CLDN16: variants seen among roughly 807,000 people sequenced by gnomAD.
CLDN16 encodes claudin 16.
CLDN16 carries 13 observed loss-of-function variants against 24.6 expected under a neutral mutation model. The observed-to-expected ratio is 0.53, with a 90% confidence interval of 0.34 to 0.84. The LOEUF (loss-of-function observed/expected upper bound fraction) is 0.84. CLDN16 is among the 40% of genes least tolerant of loss of function. The probability of loss-of-function intolerance (pLI) is 0.01; values close to 1 mark genes in which losing one functional copy is unlikely to be tolerated. For missense variants in CLDN16, 298 were observed against 292.7 expected, an observed-to-expected ratio of 1.02 and a Z score of -0.13; for synonymous variants, 116 against 106.7, an observed-to-expected ratio of 1.09 and a Z score of -0.54.
chr3:190,312,727 G>T, the CLDN16 span: 2 of 861,314 alleles, frequency 2.3e-6, no homozygotes, highest in Non-Finnish European at 1.9e-6. Flanking sequence ...TTGTGTTTGA[G>T]AACATGAAAG....
At chr3:190,314,711 C>T in the CLDN16 span, among the ~76,000 whole-genome samples, 1 of 152,076 alleles carries the variant, frequency 6.6e-6, no homozygotes, top group Non-Finnish European at 1.5e-5. Context: ...GCCATAATCT[C>T]TTTCTAAAAA....
Position 190,409,894 on chromosome 3 carries a change from T to C in CLDN16, c.575-9T>C, listed in dbSNP as rs368038800. ...GAGTTCTACTTATTTTTATATTTCT[T>C]TCAAACAGATGTTGGACCTGAGAGA... is the stretch of plus-strand genomic sequence containing the variant. On this transcript the variant is annotated splice_polypyrimidine_tract_variant and intron_variant, in intron 4 of 4. Transcript: ENST00000264734. 3.7e-6 allele frequency: 6 copies of C among 1,613,402 alleles called. No homozygotes were observed. The highest frequency in any genetic ancestry group is 5.1e-6 in the Non-Finnish European group (6 of 1,179,478).
intron 1 of CLDN16, among the ~76,000 whole-genome samples, chr3:190,392,970 T>C (rs1420315611): frequency 6.6e-6 from 1 of 152,084 alleles, no homozygotes; most frequent in African/African-American, 2.4e-5. Context: ...AAATGAGGTA[T>C]GGGGAGAACA....
At chr3:190,346,215 T>C (rs1297507694) in intron 1 of CLDN16, among the ~76,000 whole-genome samples, 1 of 151,152 alleles carries the variant, frequency 6.6e-6, no homozygotes, top group African/African-American at 2.4e-5. Flanking sequence ...TTAGAATGCC[T>C]GGAGGTGAGA....
At chr3:190,308,233 A>G in the CLDN16 span, 9 of 1,608,428 alleles carry the variant, frequency 5.6e-6, no homozygotes, top group South Asian at 1.1e-5. Context: ...CTCAATGTCC[A>G]TTTTCGGTTT....
chr3:190,294,036 T>C, the CLDN16 span, among the ~76,000 whole-genome samples: 4 of 152,194 alleles, frequency 2.6e-5, no homozygotes, highest in Non-Finnish European at 5.9e-5. Context: ...TGAGTTTTGG[T>C]TGAAAAGTCT....
Position 190,376,152 on chromosome 3 carries a change from A to G in CLDN16, n.306+1549A>G, listed in dbSNP as rs117254164. Among the ~76,000 whole-genome samples, 9 of 152,028 alleles carry G rather than the reference A, an allele frequency of 5.9e-5. No individual in the cohort carries two copies. The East Asian group carries it at 1.2e-3, about 20-fold the overall frequency. On this transcript the variant is annotated intron_variant and non_coding_transcript_variant, in intron 3 of 4. Coordinates refer to the CLDN16 transcript ENST00000468220. ...TGACTTCAGAATATGTTGTGCTGAA[A>G]CTATCAATTACAGATTTATTATTAA...
the CLDN16 span, among the ~76,000 whole-genome samples, chr3:190,309,041 A>G: frequency 3.9e-5 from 6 of 152,282 alleles, no homozygotes. Context: ...ACGGAAGAGT[A>G]GAGAAGGGTT....
At chr3:190,329,674 C>G (rs536160787) in intron 1 of CLDN16, among the ~76,000 whole-genome samples, 1 of 152,174 alleles carries the variant, frequency 6.6e-6, no homozygotes, top group Non-Finnish European at 1.5e-5. Context: ...TTAATATGCT[C>G]ATGCAAATCA....
At chr3:190,389,762 C>T (rs1051605990) in intron 1 of CLDN16, among the ~76,000 whole-genome samples, 6 of 152,072 alleles carry the variant, frequency 3.9e-5, no homozygotes, top group Admixed American at 6.5e-5. Context: ...GCAGATAAAA[C>T]GTTCTGCTGT....
chr3:190,343,119 A>G (rs1717474724), intron 1 of CLDN16, among the ~76,000 whole-genome samples: 1 of 151,632 alleles, frequency 6.6e-6, no homozygotes, highest in Non-Finnish European at 1.5e-5. Context: ...ATAGTGAGAA[A>G]ACTTATAACC....
the CLDN16 span, chr3:190,307,981 T>G: frequency 3.1e-6 from 1 of 323,020 alleles, no homozygotes; most frequent in Non-Finnish European, 6.0e-6. Flanking sequence ...TATATATACA[T>G]ATCTATATAT....
At chr3:190,324,844 T>C (rs753593389) in intron 1 of CLDN16, among the ~76,000 whole-genome samples, 2 of 152,150 alleles carry the variant, frequency 1.3e-5, no homozygotes, top group Non-Finnish European at 2.9e-5. Flanking sequence ...ATCTATCAAC[T>C]TAAGAGGAAA....
intron 1 of CLDN16, among the ~76,000 whole-genome samples, chr3:190,370,432 C>G (rs1261153817): frequency 1.3e-5 from 2 of 151,908 alleles, no homozygotes; most frequent in African/African-American, 4.8e-5. Context: ...GAGTGTCATA[C>G]ATCTTGGTTA....
intron 1 of CLDN16, among the ~76,000 whole-genome samples, chr3:190,335,856 C>T (rs7619453): frequency 8.5e-5 from 13 of 152,172 alleles, no homozygotes; most frequent in Admixed American, 3.3e-4. Flanking sequence ...TAGAAATTGT[C>T]CCATAAAGCA....
At chr3:190,317,364 T>G in the CLDN16 span, among the ~76,000 whole-genome samples, 2 of 152,178 alleles carry the variant, frequency 1.3e-5, no homozygotes, top group African/African-American at 4.8e-5. Context: ...ATCTTGAGAT[T>G]AAAGACCCCC....
At chr3:190,315,059 G>T in the CLDN16 span, among the ~76,000 whole-genome samples, 1 of 152,178 alleles carries the variant, frequency 6.6e-6, no homozygotes, top group Admixed American at 6.5e-5. Flanking sequence ...CCATGGTTAA[G>T]GTATGTCCTC....
rs748213791 is a variant in CLDN16, at chr3:190,388,284, G to A, written c.-46G>A. 6.4e-6 allele frequency: 10 copies of A among 1,562,036 alleles called. No homozygotes were observed. In the South Asian group the frequency reaches 6.7e-5, roughly 10 times the overall value. ...ACACCCGCCACTTAAGTGGGGCCAG[G>A]GCTGGTGTCTGCCCATGTTGCCATC... On this transcript the variant is annotated 5_prime_UTR_variant, in exon 1 of 5. Coordinates refer to ENST00000264734, the MANE Select transcript of CLDN16 (RefSeq NM_006580.4).
chr3:190,321,115 C>T (rs781245012), upstream of CLDN16, among the ~76,000 whole-genome samples: 13 of 152,142 alleles, frequency 8.5e-5, no homozygotes, highest in Non-Finnish European at 1.8e-4. Flanking sequence ...AAGGAAGACC[C>T]ACCTCTTCTT....
Sources: allele counts gnomAD v4.1 joint callset (sites outside exome capture counted in the v4.1 genomes callset), GRCh38; gene constraint gnomAD v4.1.1; transcripts MANE v1.5; gene names NCBI Gene and HGNC (gene_info 2026-07-23, HGNC 2026-07-21).